The following PLCB4 variants were observed in gnomAD, a reference collection of about 807,000 sequenced individuals.
PLCB4 encodes the protein phospholipase C beta 4.
Under a neutral mutation model 178.8 loss-of-function variants are expected in PLCB4, and 77 were observed. The ratio of observed to expected loss-of-function variants is 0.43; its 90% CI spans 0.36 to 0.52. The LOEUF is 0.52. Among genes scored for constraint, PLCB4 ranks in the 20% least tolerant of loss-of-function variants. The probability of loss-of-function intolerance (pLI) is 0.00; values close to 1 mark genes in which losing one functional copy is unlikely to be tolerated. For missense variants in PLCB4, 1,024 were observed against 1,453.4 expected (o/e 0.70, Z 4.80); for synonymous variants, 496 against 490.8 (o/e 1.01, Z -0.14).
intron 1 of PLCB4, among the ~76,000 whole-genome samples, chr20:9,090,473 A>G (rs1328590133): frequency 6.6e-6 from 1 of 151,474 alleles, no homozygotes; most frequent in Non-Finnish European, 1.5e-5. Context: ...CCCGATAACT[A>G]TCCCAAAATA....
chr20:9,401,545 T>C lies in PLCB4; in HGVS notation c.1566T>C (p.Ala522=), dbSNP rs2039023660. ...TCAAATTTGGAAATGAACTTTCTGC[T>C]GATGACTTGGGTCACAAGGAAGCTG... ...PEFKFGNELS[A]DDLGHKEAVA... is the part of the protein sequence containing the mutation. The change falls in exon 20 of 40, where the codon GCT becomes GCC. Residue 522 remains alanine, a synonymous_variant. Transcript: ENST00000378473. The C allele has an allele frequency of 6.2e-7, 1 of 1,613,926 alleles. No homozygotes were observed. Among genetic ancestry groups the C allele is most frequent in the Non-Finnish European group, 8.5e-7 (1 of 1,179,884 alleles).
intron 33 of PLCB4, among the ~76,000 whole-genome samples, chr20:9,455,079 A>C (rs1287259229): frequency 6.6e-6 from 1 of 152,216 alleles, no homozygotes; most frequent in African/African-American, 2.4e-5. Context: ...TAACCACATC[A>C]GCTTTGGCCT....
chr20:9,405,505 T>C (rs1355622151), intron 21 of PLCB4, among the ~76,000 whole-genome samples, 157 bp downstream of exon 21: 1 of 152,206 alleles, frequency 6.6e-6, no homozygotes, highest in Non-Finnish European at 1.5e-5. Flanking sequence ...AAGTAGGTAT[T>C]TAATGCAGTA....
chr20:9,302,667 C>T (rs2094719860), intron 3 of PLCB4, among the ~76,000 whole-genome samples: 1 of 152,102 alleles, frequency 6.6e-6, no homozygotes, highest in South Asian at 2.1e-4. Context: ...AAATTACCCT[C>T]CTCCTTCACC....
At chr20:9,113,485 A>C (rs1372659891) in intron 2 of PLCB4, among the ~76,000 whole-genome samples, 1 of 152,174 alleles carries the variant, frequency 6.6e-6, no homozygotes. Context: ...GATATGTTAT[A>C]GGTGGGAAAA....
At chr20:9,233,404 G>A (rs1287516919) in intron 3 of PLCB4, among the ~76,000 whole-genome samples, 1 of 151,922 alleles carries the variant, frequency 6.6e-6, no homozygotes, top group East Asian at 1.9e-4. Context: ...ATCTCATAAA[G>A]GAACATTTTC....
chr20:9,233,987 T>C (rs908067557), intron 3 of PLCB4, among the ~76,000 whole-genome samples: 1 of 152,120 alleles, frequency 6.6e-6, no homozygotes, highest in Admixed American at 6.6e-5. Flanking sequence ...GTTAGGTAGC[T>C]ATTGGATTAA....
chr20:9,198,493 A>G (rs7263897), intron 2 of PLCB4, among the ~76,000 whole-genome samples: 3,333 of 152,328 alleles, frequency 0.022, 133 homozygotes, highest in African/African-American at 0.074. Flanking sequence ...TCAGGGAGTT[A>G]TTGAAAGGGA....
At chr20:9,417,828 G>T (rs187202795) in intron 25 of PLCB4, among the ~76,000 whole-genome samples, 10 of 152,260 alleles carry the variant, frequency 6.6e-5, no homozygotes, top group Admixed American at 1.3e-4. Context: ...AGCAACATAT[G>T]AGAGTTCCAA....
intron 37 of PLCB4, 151 bp downstream of exon 37, chr20:9,472,998 T>A: frequency 1.7e-6 from 1 of 577,068 alleles, no homozygotes; most frequent in South Asian, 2.6e-5. Context: ...GCTAAAATAA[T>A]GTCTCACTAA....
chr20:9,213,978 G>A (rs2093701147), intron 2 of PLCB4, among the ~76,000 whole-genome samples: 2 of 152,068 alleles, frequency 1.3e-5, no homozygotes, highest in Admixed American at 6.5e-5. Context: ...TTTTAAATTG[G>A]GTTATTTGTC....
chr20:9,318,761 CA>C (rs1208164361), intron 4 of PLCB4, among the ~76,000 whole-genome samples: 1 of 152,208 alleles, frequency 6.6e-6, no homozygotes, highest in African/African-American at 2.4e-5. Flanking sequence ...ACAATTTTTG[CA>C]AAGGCAGTTT....
chr20:9,466,588 A>G (rs2043800883), intron 35 of PLCB4, among the ~76,000 whole-genome samples: 1 of 152,294 alleles, frequency 6.6e-6, no homozygotes, highest in Non-Finnish European at 1.5e-5. Flanking sequence ...AATTTACAAG[A>G]AAAAAACAAC....
chr20:9,467,832 G>C (rs1010815994), intron 35 of PLCB4, among the ~76,000 whole-genome samples: 1 of 152,128 alleles, frequency 6.6e-6, no homozygotes, highest in African/African-American at 2.4e-5. Context: ...TCCAGGCAGT[G>C]CTTTCAATAG....
At chr20:9,408,788 A>G (rs535055150) in intron 23 of PLCB4, 71 bp downstream of exon 23, 5 of 798,876 alleles carry the variant, frequency 6.3e-6, no homozygotes, top group Admixed American at 1.9e-5. Flanking sequence ...GAAATAGATA[A>G]ATGGCTAATA....
chr20:9,479,169 G>C lies in PLCB4; in HGVS notation c.*160G>C, dbSNP rs2044747067. The C allele has an allele frequency of 3.3e-6, 2 of 613,700 alleles. No individual in the cohort carries two copies. Among genetic ancestry groups the C allele is most frequent in the Non-Finnish European group, 5.8e-6 (2 of 343,896 alleles). The allele number at this position is 613,700 out of a possible 1,614,324, so 38.0% of individuals were successfully genotyped here. On this transcript the variant is annotated 3_prime_UTR_variant, in exon 40 of 40. Transcript: ENST00000378473. ...CTGACTGACTTCTATTTAACAGCTT[G>C]AGTATTGCATTTCCTTGGCCAAACA...
chr20:9,122,457 G>A (rs1282396413), intron 2 of PLCB4, among the ~76,000 whole-genome samples: 3 of 151,970 alleles, frequency 2.0e-5, no homozygotes, highest in African/African-American at 7.2e-5. Flanking sequence ...GTTATCCCAG[G>A]AATCTTCTGT....
intron 2 of PLCB4, among the ~76,000 whole-genome samples, chr20:9,134,117 A>G (rs1568813583): frequency 6.6e-6 from 1 of 152,214 alleles, no homozygotes; most frequent in Admixed American, 6.5e-5. Flanking sequence ...CATCAGTATC[A>G]TCTGGGTTCC....
At chr20:9,252,528 G>A (rs902964256) in intron 3 of PLCB4, among the ~76,000 whole-genome samples, 11 of 152,182 alleles carry the variant, frequency 7.2e-5, no homozygotes, top group Non-Finnish European at 1.3e-4. Flanking sequence ...CTGTAGTGGG[G>A]TACAGGCATT....
Sources: gnomAD v4.1 joint callset for allele counts (sites outside exome capture counted in the v4.1 genomes callset) on GRCh38, gnomAD v4.1.1 for gene constraint, MANE v1.5 for transcripts, NCBI Gene and HGNC (gene_info 2026-07-23, HGNC 2026-07-21) for gene names.